PDZD8: variants seen among roughly 807,000 people sequenced by gnomAD.
PDZD8 encodes PDZ domain containing 8, also known as PDZ domain-containing protein 8.
A neutral mutation model predicts 85.8 loss-of-function variants in PDZD8; 14 were observed. The ratio of observed to expected loss-of-function variants is 0.16; its 90% CI spans 0.11 to 0.26. PDZD8 has a LOEUF of 0.26. Ranked by LOEUF, PDZD8 falls within the 10% of genes least tolerant of loss-of-function variation. The pLI is 1.00. For missense variants in PDZD8, 1,197 were observed against 1,424.3 expected, an observed-to-expected ratio of 0.84 and a Z score of 2.57; for synonymous variants, 592 against 568.6, an observed-to-expected ratio of 1.04 and a Z score of -0.59.
rs1844207577 is a variant in PDZD8, at chr10:117,320,297, T to C, written c.996-1323A>G. On this transcript the variant is annotated intron_variant, in intron 2 of 4. Coordinates refer to ENST00000334464, the MANE Select transcript of PDZD8 (RefSeq NM_173791.5). Reference sequence around the variant, plus strand: ...AAAGAGTAAACTACCTAAGGGCCTTTACTATCAGGCAGACAAAACTGCACC... The same window carrying C: ...AAAGAGTAAACTACCTAAGGGCCTTCACTATCAGGCAGACAAAACTGCACC... Among the ~76,000 whole-genome samples, 3 of 152,228 alleles carry C rather than the reference T, an allele frequency of 2.0e-5. No individual in the cohort carries two copies. The South Asian group carries it at 6.2e-4, about 32-fold the overall frequency.
At chr10:117,361,898 T>C (rs899379313) in intron 1 of PDZD8, among the ~76,000 whole-genome samples, 1 of 152,170 alleles carries the variant, frequency 6.6e-6, no homozygotes. Context: ...CTAGAGATGA[T>C]TTAAAGTATA....
At position 117,309,752 on chromosome 10, in the gene PDZD8, C is replaced by A. The variant is rs185996976; in HGVS notation, c.1098+9120G>T. Among the ~76,000 whole-genome samples the A allele has an allele frequency of 1.8e-4, 27 of 152,244 alleles. No individual in the cohort carries two copies. In the East Asian group the frequency reaches 4.1e-3, roughly 23 times the overall value. Reference sequence around the variant, plus strand: ...AACATTATTGACTAACTACTATGTGCTAAATACTGTGCTGGACATTTTAAT... The same window carrying A: ...AACATTATTGACTAACTACTATGTGATAAATACTGTGCTGGACATTTTAAT... On this transcript the variant is annotated intron_variant, in intron 3 of 4. Transcript: ENST00000334464.
chr10:117,303,599 T>TAG (rs1843884787), intron 3 of PDZD8, among the ~76,000 whole-genome samples: 1 of 152,188 alleles, frequency 6.6e-6, no homozygotes, highest in Non-Finnish European at 1.5e-5. Flanking sequence ...CCAGGCCATA[T>TAG]AGAGACCTTC....
intron 3 of PDZD8, among the ~76,000 whole-genome samples, chr10:117,315,387 G>C (rs555371345): frequency 6.6e-6 from 1 of 152,150 alleles, no homozygotes; most frequent in East Asian, 1.9e-4. Context: ...CTGAGACCAG[G>C]AGTTCGAGAC....
chr10:117,292,542 G>T (rs1203788571), intron 3 of PDZD8, among the ~76,000 whole-genome samples: 1 of 150,760 alleles, frequency 6.6e-6, no homozygotes, highest in Non-Finnish European at 1.5e-5. Flanking sequence ...TCTGAGTACT[G>T]TAAAGTTTAA....
chr10:117,374,757 G>C lies in PDZD8; in HGVS notation c.471C>G (p.Ile157Met). The C allele has an allele frequency of 6.2e-7, 1 of 1,612,768 alleles. No individual in the cohort carries two copies. ...DVFLGETVPF[I>M]KTIRLVRPVV... Reference sequence around the variant, plus strand: ...CTGGCCGCACGAGCCGGATGGTCTTGATGAAGGGCACCGTCTCGCCCAGGA... The same window carrying C: ...CTGGCCGCACGAGCCGGATGGTCTTCATGAAGGGCACCGTCTCGCCCAGGA... The change falls in exon 1 of 5, where the codon ATC (isoleucine) becomes ATG (methionine). Residue 157 changes from isoleucine to methionine, a missense_variant. Physicochemically the swap from Ile to Met is conservative, Grantham distance 10. This residue lies in a region of PDZD8 where 344 missense variants were observed against 453.6 expected (regional missense o/e 0.76). Transcript: ENST00000334464. The surrounding 1 kb of genome is among the most constrained non-coding windows in gnomAD (Gnocchi z 7.8).
chr10:117,353,188 C>A (rs923140231), intron 1 of PDZD8, among the ~76,000 whole-genome samples: 1 of 152,098 alleles, frequency 6.6e-6, no homozygotes, highest in African/African-American at 2.4e-5. Flanking sequence ...TAAAACAGTA[C>A]CTCTTGTCTT....
chr10:117,292,597 T>C (rs1259029806), intron 3 of PDZD8, among the ~76,000 whole-genome samples: 2 of 151,846 alleles, frequency 1.3e-5, no homozygotes, highest in African/African-American at 4.8e-5. Flanking sequence ...TTTTGTTATT[T>C]ACTCTGCTTT....
intron 1 of PDZD8, among the ~76,000 whole-genome samples, chr10:117,346,850 G>A (rs1589582680): frequency 6.6e-6 from 1 of 152,036 alleles, no homozygotes; most frequent in Middle Eastern, 3.4e-3. Flanking sequence ...TAGGGTGGGA[G>A]GGCCAGTCTT....
At chr10:117,333,885 TA>T (rs1371006788) in intron 2 of PDZD8, among the ~76,000 whole-genome samples, 1 of 152,168 alleles carries the variant, frequency 6.6e-6, no homozygotes, top group Non-Finnish European at 1.5e-5. Context: ...TTCTTTGCCT[TA>T]AAAGATCAAT....
In PDZD8 at chr10:117,374,938, A is replaced by C; in HGVS notation, c.290T>G (p.Phe97Cys). 6.2e-7 allele frequency: 1 copy of C among 1,612,364 alleles called. No homozygotes were observed. Residue 97 changes from phenylalanine (F) to cysteine (C), a missense_variant, in exon 1 of 5, where the codon TTC (phenylalanine) becomes TGC (cysteine). Physicochemically the swap from Phe to Cys is radical, Grantham distance 205. Coordinates refer to ENST00000334464, the MANE Select transcript of PDZD8 (RefSeq NM_173791.5). This position sits in a 1 kb window ranked among gnomAD's most constrained non-coding sequence, Gnocchi z 7.8. Reference sequence around the variant, plus strand: ...CAGGAATAGGATGGTGGCGTTGAGGAAGTAGCAAGTCTCCCGCGTCGGCGG... The same window carrying C: ...CAGGAATAGGATGGTGGCGTTGAGGCAGTAGCAAGTCTCCCGCGTCGGCGG... ...PAPPTRETCY[F>C]LNATILFLFR...
chr10:117,366,421 C>CT (rs1564714753), intron 1 of PDZD8, among the ~76,000 whole-genome samples: 1 of 151,946 alleles, frequency 6.6e-6, no homozygotes, highest in Non-Finnish European at 1.5e-5. Flanking sequence ...TATATAGCTT[C>CT]TTTTTTGGTA....
intron 3 of PDZD8, among the ~76,000 whole-genome samples, chr10:117,303,711 T>C (rs1011669787): frequency 2.0e-5 from 3 of 152,236 alleles, no homozygotes; most frequent in African/African-American, 7.2e-5. Context: ...AGGGACTTAG[T>C]GCCCTGTTGT....
chr10:117,285,051 C>T lies in PDZD8; in HGVS notation c.1682G>A (p.Gly561Glu), dbSNP rs758520885. 1.2e-6 allele frequency: 2 copies of T among 1,613,864 alleles called. No homozygotes were observed. The highest frequency in any genetic ancestry group is 2.2e-5 in the South Asian group (2 of 91,064). The change falls in exon 5 of 5, where the codon GGA (glycine) becomes GAA (glutamate). Residue 561 changes from glycine to glutamate, a missense_variant. This residue lies in a region of PDZD8 where 263 missense variants were observed against 261.9 expected (regional missense o/e 1.00). Coordinates refer to ENST00000334464, the MANE Select transcript of PDZD8 (RefSeq NM_173791.5). ...PLPPKIQSKD[G>E]NKPPPLKTSE... is the part of the protein sequence containing the mutation. ...AGTTTTTAGGGGTGGAGGTTTATTTCCATCTTTGGACTGAATTTTCGGTGG... is the reference window on the plus strand; with the variant it reads ...AGTTTTTAGGGGTGGAGGTTTATTTTCATCTTTGGACTGAATTTTCGGTGG...
At position 117,279,702 on chromosome 10, in the gene PDZD8, A is replaced by C. The variant is rs1199530729; in HGVS notation, c.*3566T>G. ...ATTGTTGTCCTGATGGTTGTCAACA[A>C]ATAACCATATCTGATGAAAACAGCT... On this transcript the variant is annotated 3_prime_UTR_variant, in exon 5 of 5. Transcript: ENST00000334464. 6.6e-6 allele frequency: 1 copy of C among 152,214 alleles called. No individual in the cohort carries two copies. The highest frequency in any genetic ancestry group is 2.4e-5 in the African/African-American group (1 of 41,464). 9.4% of individuals were successfully genotyped at this position (152,214 alleles called of 1,614,324 possible).
chr10:117,312,180 G>T (rs931193471), intron 3 of PDZD8, among the ~76,000 whole-genome samples: 1 of 152,090 alleles, frequency 6.6e-6, no homozygotes, highest in Non-Finnish European at 1.5e-5. Context: ...GTTAACCAAG[G>T]TTTGTATGGG....
At chr10:117,369,140 T>C (rs1845143840) in intron 1 of PDZD8, among the ~76,000 whole-genome samples, 1 of 150,080 alleles carries the variant, frequency 6.7e-6, no homozygotes, top group Admixed American at 6.7e-5. Flanking sequence ...GGCCTGACAA[T>C]GTCTTTTATT....
intron 3 of PDZD8, among the ~76,000 whole-genome samples, chr10:117,317,602 C>A (rs1844151748): frequency 6.6e-6 from 1 of 152,080 alleles, no homozygotes; most frequent in Non-Finnish European, 1.5e-5. Flanking sequence ...ATTGAAAATG[C>A]CAATAGCAAT....
chr10:117,294,169 G>T (rs2133770074), intron 3 of PDZD8, among the ~76,000 whole-genome samples: 1 of 151,944 alleles, frequency 6.6e-6, no homozygotes, highest in East Asian at 1.9e-4. Flanking sequence ...AAATAATAAA[G>T]AACAGAAACC....
Sources: allele counts gnomAD v4.1 joint callset (sites outside exome capture counted in the v4.1 genomes callset), GRCh38; gene constraint gnomAD v4.1.1; regional missense constraint gnomAD v4.1.1; non-coding constraint Gnocchi (gnomAD v3.1); transcripts MANE v1.5; gene names NCBI Gene and HGNC (gene_info 2026-07-23, HGNC 2026-07-21).